Variants in ZNF234 observed in about 807,000 individuals in gnomAD.
ZNF234 encodes the protein C2-H2 type zinc finger protein.
In ZNF234, 4 loss-of-function variants were observed where a neutral mutation model predicts 10.3. The observed-to-expected ratio is 0.39, with a 90% CI of 0.19 to 0.89. ZNF234 has a LOEUF of 0.89. Among genes scored for constraint, ZNF234 ranks in the 40% least tolerant of loss-of-function variants. The probability of loss-of-function intolerance (pLI) is 0.38; values close to 1 mark genes in which losing one functional copy is unlikely to be tolerated. For synonymous variants in ZNF234, 258 were observed against 280.1 expected (o/e 0.92, Z 0.79); for missense variants, 711 against 836.1 (o/e 0.85, Z 1.85).
At chr19:44,154,595 TACAA>T (rs1968829389) in intron 5 of ZNF234, among the ~76,000 whole-genome samples, 1 of 151,066 alleles carries the variant, frequency 6.6e-6, no homozygotes, top group Non-Finnish European at 1.5e-5. Context: ...TGTCTACTGA[TACAA>T]AGGAGGAGGT....
At position 44,157,265 on chromosome 19, in the gene ZNF234, G is replaced by C; in HGVS notation, c.1249G>C (p.Val417Leu). ...KSFRMKIHYQ[V>L]HLVVHTGEKP... is the part of the protein sequence containing the mutation. ...CTTCAGAATGAAAATTCATTATCAA[G>C]TGCATCTGGTAGTCCACACAGGGGA... The change falls in exon 6 of 6, where the codon GTG (valine) becomes CTG (leucine). Residue 417 changes from valine to leucine, a missense_variant. Transcript: ENST00000426739. 6.2e-7 allele frequency: 1 copy of C among 1,613,922 alleles called. No individual in the cohort carries two copies. Among genetic ancestry groups the C allele is most frequent in the South Asian group, 1.1e-5 (1 of 91,072 alleles).
At position 44,158,954 on chromosome 19, in the gene ZNF234, T is replaced by C. The variant is rs991638776; in HGVS notation, c.*835T>C. The C allele has an allele frequency of 1.3e-5, 2 of 152,220 alleles. No homozygotes were observed. The highest frequency in any genetic ancestry group is 1.3e-4 in the Admixed American group (2 of 15,288). 9.4% of individuals were successfully genotyped at this position (152,220 alleles called of 1,614,324 possible). A position where few individuals can be genotyped will look rare whatever the true frequency, so the allele number is the denominator to read the frequency against. ...GGAGTAAATGCACAATATTTGAACATTGTATCCAAAGGAAGAAACCTGCGA... is the reference window on the plus strand; with the variant it reads ...GGAGTAAATGCACAATATTTGAACACTGTATCCAAAGGAAGAAACCTGCGA... On this transcript the variant is annotated 3_prime_UTR_variant, in exon 6 of 6. Transcript: ENST00000426739.
At position 44,157,387 on chromosome 19, in the gene ZNF234, G is replaced by T. The variant is rs373527992; in HGVS notation, c.1371G>T (p.Lys457Asn). ...CACATAGTGTACAGAAACCTTTTAAGTGTGAAGAGTGTGGGCAGGGCTTCA... is the reference window on the plus strand; with the variant it reads ...CACATAGTGTACAGAAACCTTTTAATTGTGAAGAGTGTGGGCAGGGCTTCA... ...LKAHSVQKPF[K>N]CEECGQGFNQ... Residue 457 changes from lysine to asparagine, a missense_variant, in exon 6 of 6, where the codon AAG (lysine) becomes AAT (asparagine). Physicochemically the swap from Lys to Asn is moderately conservative, Grantham distance 94. Coordinates refer to ENST00000426739, the MANE Select transcript of ZNF234 (RefSeq NM_006630.3). 113 of 1,613,864 alleles carry T rather than the reference G, an allele frequency of 7.0e-5. No homozygotes were observed. Among genetic ancestry groups the T allele is most frequent in the Non-Finnish European group, 9.2e-5 (108 of 1,179,902 alleles).
Position 44,144,557 on chromosome 19 carries a change from T to A in ZNF234, c.-76T>A. 7.4e-7 allele frequency: 1 copy of A among 1,359,212 alleles called. No individual in the cohort carries two copies. The highest frequency in any genetic ancestry group is 2.3e-5 in the Admixed American group (1 of 43,296). 84.2% of individuals were successfully genotyped at this position (1,359,212 alleles called of 1,614,324 possible). On this transcript the variant is annotated splice_region_variant and 5_prime_UTR_variant, in exon 3 of 6. Transcript: ENST00000426739. ...ATGTCTCTTTTTGTGTCTTCCATAG[T>A]GTTCCAGGCACGATTCTGCCTTCTC...
Position 44,141,943 on chromosome 19 carries a change from G to C in ZNF234, c.-131+210G>C, listed in dbSNP as rs1274853292. On this transcript the variant is annotated intron_variant, in intron 1 of 5. Transcript: ENST00000426739. This position sits in a 1 kb window ranked among gnomAD's most constrained non-coding sequence, Gnocchi z 4.6. ...AGTCACTTTTTTACAGTGCAAGGTT[G>C]GCGTGTTAATCTCCCTGGGCCTCTC... 6.6e-6 allele frequency: 1 copy of C among 152,286 alleles called. No individual in the cohort carries two copies. The highest frequency in any genetic ancestry group is 1.5e-5 in the Non-Finnish European group (1 of 68,102). The allele number at this position is 152,286 out of a possible 1,614,324, so 9.4% of individuals were successfully genotyped here. A position where few individuals can be genotyped will look rare whatever the true frequency, so the allele number is the denominator to read the frequency against.
At position 44,157,738 on chromosome 19, in the gene ZNF234, A is replaced by G. The variant is rs777281014; in HGVS notation, c.1722A>G (p.Gly574=). ...AGCCATACAAATGTGGGGAGTGTGG[A>G]AAGGGCTTCAAGTGGAGCTTGAACC... ...GEKPYKCGEC[G]KGFKWSLNLD... Residue 574 remains glycine (G), a synonymous_variant, in exon 6 of 6, where the codon GGA becomes GGG. Transcript: ENST00000426739. The G allele has an allele frequency of 8.7e-6, 14 of 1,613,876 alleles. No individual in the cohort carries two copies. Among genetic ancestry groups the G allele is most frequent in the South Asian group, 4.4e-5 (4 of 91,062 alleles).
intron 5 of ZNF234, 67 bp downstream of exon 5, chr19:44,150,572 CT>C: frequency 7.4e-7 from 1 of 1,360,414 alleles, no homozygotes; most frequent in Non-Finnish European, 1.0e-6. Flanking sequence ...CTCCCCTGCT[CT>C]TGCTGCCATC....
intron 5 of ZNF234, among the ~76,000 whole-genome samples, chr19:44,154,741 T>A (rs1260608379): frequency 6.7e-6 from 1 of 149,946 alleles, no homozygotes; most frequent in Non-Finnish European, 1.5e-5. Flanking sequence ...CAAGCGATCC[T>A]CCATCTCAGC....
chr19:44,151,363 C>T (rs894497755), intron 5 of ZNF234, among the ~76,000 whole-genome samples: 3 of 152,118 alleles, frequency 2.0e-5, no homozygotes, highest in South Asian at 2.1e-4. Context: ...TAACCACGTC[C>T]GGCGGATTTT....
At position 44,156,718 on chromosome 19, in the gene ZNF234, T is replaced by C. The variant is rs1968893266; in HGVS notation, c.702T>C (p.Cys234=). The change falls in exon 6 of 6, where the codon TGT becomes TGC. Residue 234 remains cysteine (C), a synonymous_variant. Coordinates refer to ENST00000426739, the MANE Select transcript of ZNF234 (RefSeq NM_006630.3). ...ACACTGTAGAGAAACCATTCAAATG[T>C]GTGGAATGTGGGAAAGGCTTCAGTC... ...RVHTVEKPFK[C]VECGKGFSRR... is the part of the protein sequence containing the mutation. The C allele has an allele frequency of 1.2e-6, 2 of 1,614,058 alleles. 1 individual carries two copies. The highest frequency in any genetic ancestry group is 2.2e-5 in the South Asian group (2 of 91,074).
chr19:44,158,081 A>G lies in ZNF234; in HGVS notation c.2065A>G (p.Ile689Val). The G allele has an allele frequency of 1.9e-6, 3 of 1,610,760 alleles. No homozygotes were observed. Among genetic ancestry groups the G allele is most frequent in the Non-Finnish European group, 2.5e-6 (3 of 1,178,982 alleles). The change falls in exon 6 of 6, where the codon ATC becomes GTC. Residue 689 changes from isoleucine to valine, a missense_variant. Physicochemically the swap from Ile to Val is conservative, Grantham distance 29 (BLOSUM62 3). Transcript: ENST00000426739. ...TGAAAATGATGAGAATAGTAAGAAC[A>G]TCAGAGAGTTGTCAGAGGGAGGAAG... is the stretch of plus-strand genomic sequence containing the variant. Reference protein sequence around the residue: ...FYENDENSKNIRELSEGGSST... With the variant: ...FYENDENSKNVRELSEGGSST...
At chr19:44,148,637 A>T in intron 3 of ZNF234, 134 bp from the exon 4 acceptor site, 1 of 1,241,546 alleles carries the variant, frequency 8.1e-7, no homozygotes, top group Non-Finnish European at 1.2e-6. Context: ...TGGAAGGAGA[A>T]GGGCTGAGAA....
chr19:44,153,255 T>C (rs755138754), intron 5 of ZNF234, among the ~76,000 whole-genome samples: 1 of 148,572 alleles, frequency 6.7e-6, no homozygotes, highest in Non-Finnish European at 1.5e-5. Flanking sequence ...GAAATTGTCT[T>C]TCCATTTGAA....
intron 5 of ZNF234, among the ~76,000 whole-genome samples, chr19:44,152,512 T>C (rs1968768064): frequency 2.0e-5 from 3 of 152,302 alleles, no homozygotes; most frequent in African/African-American, 7.2e-5. Context: ...CACGTGAATG[T>C]TTGTGTGTGC....
At chr19:44,147,211 GT>G (rs1339846223) in intron 3 of ZNF234, among the ~76,000 whole-genome samples, 1 of 152,054 alleles carries the variant, frequency 6.6e-6, no homozygotes, top group Admixed American at 6.6e-5. Flanking sequence ...TTTTTCTGAT[GT>G]TTTATTTTTT....
At chr19:44,144,800 T>G (rs144994142) in intron 3 of ZNF234, among the ~76,000 whole-genome samples, 153 bp downstream of exon 3, 89 of 152,378 alleles carry the variant, frequency 5.8e-4, no homozygotes, top group African/African-American at 2.0e-3. Context: ...AGATGTTGTT[T>G]ATTTTATTAT....
At chr19:44,148,002 A>T (rs1328460638) in intron 3 of ZNF234, among the ~76,000 whole-genome samples, 3 of 152,248 alleles carry the variant, frequency 2.0e-5, no homozygotes, top group Non-Finnish European at 4.4e-5. Context: ...AATAATATAC[A>T]GTCATGAAAT....
rs768175651 is a variant in ZNF234 at position 44,156,524 on chromosome 19, C to T, written c.508C>T (p.His170Tyr). The T allele has an allele frequency of 8.1e-6, 13 of 1,614,116 alleles. No homozygotes were observed. The highest frequency in any genetic ancestry group is 1.0e-5 in the Non-Finnish European group (12 of 1,180,030). Residue 170 changes from histidine (H) to tyrosine (Y), a missense_variant, in exon 6 of 6, where the codon CAC becomes TAC. Physicochemically the swap from His to Tyr is moderately conservative, Grantham distance 83. Coordinates refer to ENST00000426739, the MANE Select transcript of ZNF234 (RefSeq NM_006630.3). ...CAACTTTGATCTTCATCAACAGTTA[C>T]ACTCAGGAGAGAAGTCTCATACATG... is the stretch of plus-strand genomic sequence containing the variant. ...VFNFDLHQQL[H>Y]SGEKSHTCDE...
intron 5 of ZNF234, among the ~76,000 whole-genome samples, chr19:44,150,907 G>A (rs111854113): frequency 0.033 from 4,971 of 151,856 alleles, 254 homozygotes; most frequent in African/African-American, 0.11. Flanking sequence ...GGTGGCCAGC[G>A]CCTGTAGTCC....
Sources: gnomAD v4.1 joint callset for allele counts (sites outside exome capture counted in the v4.1 genomes callset) on GRCh38, gnomAD v4.1.1 for gene constraint, Gnocchi (gnomAD v3.1) non-coding constraint, MANE v1.5 for transcripts, NCBI Gene and HGNC (gene_info 2026-07-23, HGNC 2026-07-21) for gene names.